NEK1: variants seen among roughly 807,000 people sequenced by gnomAD.
The protein encoded by NEK1 is serine/threonine-protein kinase Nek1.
NEK1 carries 137 observed loss-of-function variants against 182.1 expected under a neutral mutation model. The observed-to-expected ratio is 0.75, with a 90% confidence interval of 0.65 to 0.87. The LOEUF (loss-of-function observed/expected upper bound fraction) is 0.87. Ranked by LOEUF, NEK1 falls within the 40% of genes least tolerant of loss-of-function variation. The pLI is 0.00. For synonymous variants in NEK1, 513 were observed against 492.2 expected, an observed-to-expected ratio of 1.04 and a Z score of -0.56; for missense variants, 1,391 against 1,494.4, an observed-to-expected ratio of 0.93 and a Z score of 1.14.
At chr4:169,500,833 A>T (rs577804770) in intron 23 of NEK1, among the ~76,000 whole-genome samples, 1 of 152,340 alleles carries the variant, frequency 6.6e-6, no homozygotes, top group East Asian at 1.9e-4. Context: ...AGCAACTGCC[A>T]CTATAAAGCA....
chr4:169,582,902 C>G (rs559758733), intron 10 of NEK1, among the ~76,000 whole-genome samples: 2 of 152,090 alleles, frequency 1.3e-5, no homozygotes, highest in East Asian at 3.9e-4. Context: ...ACAGAGCATT[C>G]CACTGGACAG....
chr4:169,510,437 T>C lies in NEK1; in HGVS notation c.1666-1585A>G, dbSNP rs1386699253. ...AATTACATTTGCCTCTTACCTACTA[T>C]ACTCAAATATGCCAAATTACCAATT... On this transcript the variant is annotated intron_variant, in intron 19 of 35. Transcript: ENST00000507142. 2.0e-5 allele frequency among the ~76,000 whole-genome samples: 3 copies of C among 152,198 alleles called. No individual in the cohort carries two copies. In the East Asian group the frequency reaches 5.8e-4, roughly 29 times the overall value.
At chr4:169,606,268 C>A in intron 2 of NEK1, among the ~76,000 whole-genome samples, 1 of 146,738 alleles carries the variant, frequency 6.8e-6, no homozygotes, top group Non-Finnish European at 1.5e-5. Flanking sequence ...CTAGATTGAC[C>A]CGTACATATT....
chr4:169,536,831 C>T (rs1033374944), intron 19 of NEK1, among the ~76,000 whole-genome samples: 1 of 152,108 alleles, frequency 6.6e-6, no homozygotes, highest in African/African-American at 2.4e-5. Context: ...AAGGAAAAGG[C>T]TGGAGGTTCT....
intron 32 of NEK1, 59 bp from the exon 33 acceptor site, chr4:169,401,919 C>T: frequency 7.1e-7 from 1 of 1,403,634 alleles, no homozygotes; most frequent in South Asian, 1.4e-5. Flanking sequence ...CCAAGTTAAA[C>T]AACTAAAACT....
At chr4:169,550,136 A>G (rs1416271570) in intron 18 of NEK1, among the ~76,000 whole-genome samples, 3 of 152,176 alleles carry the variant, frequency 2.0e-5, no homozygotes, top group Non-Finnish European at 4.4e-5. Context: ...CTGAATCATG[A>G]TGGCGGGTCT....
chr4:169,400,703 A>C, intron 33 of NEK1, 52 bp from the exon 34 acceptor site: 5 of 1,370,090 alleles, frequency 3.6e-6, no homozygotes, highest in Non-Finnish European at 5.0e-6. Context: ...TGAATAACTC[A>C]TACCCTAATA....
At chr4:169,558,308 A>G (rs1412629200) in intron 16 of NEK1, among the ~76,000 whole-genome samples, 1 of 152,254 alleles carries the variant, frequency 6.6e-6, no homozygotes, top group East Asian at 1.9e-4. Flanking sequence ...TAATTTATGT[A>G]CAATAAAAAT....
chr4:169,599,591 TG>T (rs1770134542), intron 4 of NEK1, among the ~76,000 whole-genome samples: 1 of 152,224 alleles, frequency 6.6e-6, no homozygotes, highest in Non-Finnish European at 1.5e-5. Context: ...GTTTTCTGAC[TG>T]GCCATTAATT....
At chr4:169,592,348 A>G (rs1433140443) in intron 5 of NEK1, among the ~76,000 whole-genome samples, 3 of 152,212 alleles carry the variant, frequency 2.0e-5, no homozygotes, top group African/African-American at 7.2e-5. Context: ...CTGATTAAAT[A>G]TATTGTATGA....
intron 31 of NEK1, among the ~76,000 whole-genome samples, chr4:169,412,771 T>C (rs1733882715): frequency 6.7e-6 from 1 of 149,936 alleles, no homozygotes; most frequent in Non-Finnish European, 1.5e-5. Flanking sequence ...ATTCTGAACA[T>C]AGAAAAGTTA....
chr4:169,499,445 G>A (rs1170722562), intron 23 of NEK1, among the ~76,000 whole-genome samples: 1 of 152,188 alleles, frequency 6.6e-6, no homozygotes, highest in Admixed American at 6.5e-5. Flanking sequence ...TTGCTGGTGA[G>A]GAGCTGCATT....
chr4:169,479,657 T>A, intron 23 of NEK1, 123 bp from the exon 24 acceptor site: 1 of 772,462 alleles, frequency 1.3e-6, no homozygotes, highest in Non-Finnish European at 2.0e-6. Flanking sequence ...ATTCCTGAAT[T>A]ATCTGTTGAG....
intron 33 of NEK1, 115 bp downstream of exon 33, chr4:169,401,537 T>C (rs1360786618): frequency 7.0e-6 from 5 of 717,524 alleles, no homozygotes; most frequent in Non-Finnish European, 8.8e-6. Flanking sequence ...CCCAGAGGCA[T>C]GCTTCAGTTG....
chr4:169,584,229 A>G, intron 10 of NEK1, among the ~76,000 whole-genome samples: 1 of 151,706 alleles, frequency 6.6e-6, no homozygotes, highest in South Asian at 2.1e-4. Context: ...AGAAATCATG[A>G]GTCAGTAATC....
At chr4:169,590,464 C>T (rs1238889149) in intron 6 of NEK1, among the ~76,000 whole-genome samples, 1 of 152,058 alleles carries the variant, frequency 6.6e-6, no homozygotes, top group Non-Finnish European at 1.5e-5. Flanking sequence ...GGAATGGGAA[C>T]TCACTGCTAA....
At chr4:169,487,668 G>A (rs972792973) in intron 23 of NEK1, among the ~76,000 whole-genome samples, 9 of 152,078 alleles carry the variant, frequency 5.9e-5, no homozygotes, top group Non-Finnish European at 1.3e-4. Flanking sequence ...TATATTTTGG[G>A]GTATATACCC....
intron 12 of NEK1, among the ~76,000 whole-genome samples, chr4:169,575,945 A>C (rs1476480335): frequency 6.6e-6 from 1 of 151,286 alleles, no homozygotes; most frequent in African/African-American, 2.4e-5. Flanking sequence ...TCATTTTATT[A>C]TTATAATTTT....
At chr4:169,405,305 T>G (rs1229225206) in intron 32 of NEK1, among the ~76,000 whole-genome samples, 2 of 152,176 alleles carry the variant, frequency 1.3e-5, no homozygotes, top group East Asian at 3.8e-4. Context: ...TGGAAGCAAC[T>G]GTAACACAAT....
Sources: gnomAD v4.1 joint callset for allele counts (sites outside exome capture counted in the v4.1 genomes callset) on GRCh38, gnomAD v4.1.1 for gene constraint, MANE v1.5 for transcripts, NCBI Gene and HGNC (gene_info 2026-07-23, HGNC 2026-07-21) for gene names.